Variants in PACS1 observed in about 807,000 individuals in gnomAD.
The protein encoded by PACS1 is phosphofurin acidic cluster sorting protein 1.
PACS1 carries 24 observed loss-of-function variants against 115.0 expected under a neutral mutation model. The observed-to-expected ratio is 0.21, with a 90% confidence interval of 0.15 to 0.29. The LOEUF (loss-of-function observed/expected upper bound fraction) is 0.29. Ranked by LOEUF, PACS1 falls within the 10% of genes least tolerant of loss-of-function variation. PACS1 has a pLI of 1.00. For synonymous variants in PACS1, 453 were observed against 504.5 expected (o/e 0.90, Z 1.37); for missense variants, 838 against 1,251.2 (o/e 0.67, Z 4.98).
rs80323551 is a variant in PACS1 at position 66,231,991 on chromosome 11, T to G, written c.1627-181T>G. Reference sequence around the variant, plus strand: ...TCCTCTAAGGACTCGCTTTGCTGCTTCTTTCTCCTCCTTTCCATCGTGGTC... The same window carrying G: ...TCCTCTAAGGACTCGCTTTGCTGCTGCTTTCTCCTCCTTTCCATCGTGGTC... On this transcript the variant is annotated intron_variant, in intron 13 of 23. Transcript: ENST00000320580. 51 of 568,954 alleles carry G rather than the reference T, an allele frequency of 9.0e-5. No homozygotes were observed. In the Middle Eastern group the frequency reaches 1.1e-3, roughly 12 times the overall value. 35.2% of individuals were successfully genotyped at this position (568,954 alleles called of 1,614,324 possible).
rs375682747 is a variant in PACS1 at position 66,239,144 on chromosome 11, G to T, written c.2296G>T (p.Asp766Tyr). 1.2e-6 allele frequency: 2 copies of T among 1,614,146 alleles called. No homozygotes were observed. The highest frequency in any genetic ancestry group is 1.7e-6 in the Non-Finnish European group (2 of 1,180,018). ...LVEDSPSTAG[D>Y]GDDSPVVSLT... The stretch of plus-strand genomic sequence containing the variant: ...GTTTGTCGTTTGTCCCCTGACAGGC[G>T]ATGGGGACGATTCTCCTGTGGTCAG... The change falls in exon 21 of 24, where the codon GAT becomes TAT. Residue 766 changes from aspartate (D) to tyrosine (Y), a missense_variant and splice_region_variant. Asp to Tyr is a radical substitution (Grantham distance 160). This residue lies in a region of PACS1 where 383 missense variants were observed against 537.0 expected (regional missense o/e 0.71). Transcript: ENST00000320580.
intron 7 of PACS1, among the ~76,000 whole-genome samples, chr11:66,219,216 G>T (rs1033229956): frequency 3.9e-5 from 6 of 151,976 alleles, no homozygotes; most frequent in African/African-American, 1.4e-4. Context: ...AAACAGTGGT[G>T]TCACAGATGG....
intron 1 of PACS1, among the ~76,000 whole-genome samples, chr11:66,142,125 A>G (rs2134595327): frequency 6.6e-6 from 1 of 151,900 alleles, no homozygotes; most frequent in Middle Eastern, 3.4e-3. Context: ...TGCAGTTTTG[A>G]TATGTTGTCC....
intron 1 of PACS1, among the ~76,000 whole-genome samples, chr11:66,106,979 C>T (rs1858060082): frequency 1.3e-5 from 2 of 152,128 alleles, no homozygotes; most frequent in African/African-American, 4.8e-5. Context: ...AGGAATTCTG[C>T]AGCACAAAAC....
chr11:66,232,962 T>C lies in PACS1; in HGVS notation c.1734T>C (p.Tyr578=), dbSNP rs760069126. ...GCTCTCCTCCCTCCCTATCCCAGTATGTGGCTGAGCTGCTCCAGGACCAGC... is the reference window on the plus strand; with the variant it reads ...GCTCTCCTCCCTCCCTATCCCAGTACGTGGCTGAGCTGCTCCAGGACCAGC... ...LVNTTDWQGQ[Y]VAELLQDQRK... The change falls in exon 15 of 24, where the codon TAT becomes TAC. Residue 578 remains tyrosine, a splice_region_variant and synonymous_variant. Transcript: ENST00000320580. 6.2e-7 allele frequency: 1 copy of C among 1,611,964 alleles called. No individual in the cohort carries two copies. Among genetic ancestry groups the C allele is most frequent in the Non-Finnish European group, 8.5e-7 (1 of 1,178,860 alleles).
chr11:66,209,562 G>T (rs1183285556), intron 2 of PACS1, among the ~76,000 whole-genome samples: 1 of 152,112 alleles, frequency 6.6e-6, no homozygotes. Flanking sequence ...CAGACTTATG[G>T]TAGAGGCTTG....
At chr11:66,101,823 G>T (rs753587843) in intron 1 of PACS1, among the ~76,000 whole-genome samples, 6 of 152,184 alleles carry the variant, frequency 3.9e-5, no homozygotes, top group Admixed American at 1.3e-4. Flanking sequence ...GACGGTTACT[G>T]GGGGGAGAGC....
intron 1 of PACS1, among the ~76,000 whole-genome samples, chr11:66,116,612 G>C (rs2068005512): frequency 6.6e-6 from 1 of 152,200 alleles, no homozygotes; most frequent in Non-Finnish European, 1.5e-5. Flanking sequence ...TTAGATTCTA[G>C]CTGGGCACAG....
At chr11:66,157,208 G>A (rs1431680999) in intron 1 of PACS1, among the ~76,000 whole-genome samples, 1 of 152,146 alleles carries the variant, frequency 6.6e-6, no homozygotes, top group Non-Finnish European at 1.5e-5. Flanking sequence ...CCACTAAAAT[G>A]ACAGTAAAGG....
intron 20 of PACS1, 103 bp downstream of exon 20, chr11:66,238,949 A>AG: frequency 7.2e-7 from 1 of 1,382,068 alleles, no homozygotes; most frequent in Non-Finnish European, 1.0e-6. Flanking sequence ...CCCTGAGGGA[A>AG]GTCAGAGCTT....
intron 1 of PACS1, among the ~76,000 whole-genome samples, chr11:66,167,983 C>T (rs1368626212): frequency 1.3e-5 from 2 of 150,460 alleles, no homozygotes; most frequent in Non-Finnish European, 2.9e-5. Flanking sequence ...GATCATGGCT[C>T]ATTGCAACCT....
At position 66,216,793 on chromosome 11, in the gene PACS1, G is replaced by C. The variant is rs542179808; in HGVS notation, c.978+18G>C. The C allele has an allele frequency of 6.2e-7, 1 of 1,603,668 alleles. No individual in the cohort carries two copies. The highest frequency in any genetic ancestry group is 2.2e-5 in the East Asian group (1 of 44,814). On this transcript the variant is annotated intron_variant, in intron 7 of 23. Coordinates refer to ENST00000320580, the MANE Select transcript of PACS1 (RefSeq NM_018026.4). Reference sequence around the variant, plus strand: ...TCACAAGGGTGAGCCTCAAAGGTCTGGGGAGTGGTTGGCTAAGATTTTCAG... The same window carrying C: ...TCACAAGGGTGAGCCTCAAAGGTCTCGGGAGTGGTTGGCTAAGATTTTCAG...
At chr11:66,195,485 C>T (rs1020688969) in intron 2 of PACS1, among the ~76,000 whole-genome samples, 1 of 152,194 alleles carries the variant, frequency 6.6e-6, no homozygotes, top group African/African-American at 2.4e-5. Context: ...TGTTGCTGTC[C>T]TGTGCCGACA....
At chr11:66,143,041 A>G (rs988952667) in intron 1 of PACS1, among the ~76,000 whole-genome samples, 11 of 152,028 alleles carry the variant, frequency 7.2e-5, no homozygotes, top group African/African-American at 2.7e-4. Flanking sequence ...GGACAGTGAA[A>G]GAGGCTATTT....
intron 21 of PACS1, among the ~76,000 whole-genome samples, chr11:66,240,782 C>CTTTTTTTTTTTTTTTTTTTTTTTT (rs1855795612): frequency 1.3e-5 from 2 of 151,756 alleles, no homozygotes; most frequent in African/African-American, 4.9e-5. Context: ...CCAAGTTAAT[C>CTTTTTTTTTTTTTTTTTTTTTTTT]TTGTTTTTTA....
chr11:66,129,337 C>T (rs2134574370), intron 1 of PACS1, among the ~76,000 whole-genome samples: 1 of 151,274 alleles, frequency 6.6e-6, no homozygotes, highest in East Asian at 1.9e-4. Context: ...GAAGTTGAGG[C>T]AGGAGAATCA....
intron 1 of PACS1, among the ~76,000 whole-genome samples, chr11:66,097,955 A>T (rs1426390423): frequency 6.6e-6 from 1 of 152,168 alleles, no homozygotes; most frequent in Non-Finnish European, 1.5e-5. Context: ...AGGTGGGTGG[A>T]TCGCCTGAGC....
At position 66,105,817 on chromosome 11, in the gene PACS1, G is replaced by GAT. The variant is rs1369443062; in HGVS notation, c.356+34977_356+34978dup. On this transcript the variant is annotated intron_variant, in intron 1 of 23. Coordinates refer to ENST00000320580, the MANE Select transcript of PACS1 (RefSeq NM_018026.4). The stretch of plus-strand genomic sequence containing the variant: ...GGATAGATATTCCACTTTATCCTGA[G>GAT]ATACACAGCTACAGTATACTTTCTG... Among the ~76,000 whole-genome samples the GAT allele has an allele frequency of 3.3e-5, 5 of 152,172 alleles. No individual in the cohort carries two copies. In the East Asian group the frequency reaches 9.6e-4, roughly 29 times the overall value.
chr11:66,151,002 A>G (rs890495741), intron 1 of PACS1, among the ~76,000 whole-genome samples: 22 of 152,104 alleles, frequency 1.4e-4, no homozygotes, highest in African/African-American at 3.1e-4. Flanking sequence ...GAAGTCAGGG[A>G]TGGAAGACAA....
Sources: gnomAD v4.1 joint callset for allele counts (sites outside exome capture counted in the v4.1 genomes callset) on GRCh38, gnomAD v4.1.1 for gene constraint, gnomAD v4.1.1 regional missense constraint, MANE v1.5 for transcripts, NCBI Gene and HGNC (gene_info 2026-07-23, HGNC 2026-07-21) for gene names.